PCDH7: variants seen among roughly 807,000 people sequenced by gnomAD.
PCDH7 encodes protocadherin 7.
A neutral mutation model predicts 58.9 loss-of-function variants in PCDH7; 17 were observed. The observed-to-expected ratio is 0.29, with a 90% confidence interval of 0.20 to 0.43. The LOEUF (loss-of-function observed/expected upper bound fraction) is 0.43, where lower values mean the gene tolerates loss of function less well. Ranked by LOEUF, PCDH7 falls within the 20% of genes least tolerant of loss-of-function variation. PCDH7 has a pLI of 1.00. For synonymous variants in PCDH7, 664 were observed against 616.4 expected (o/e 1.08, Z -1.14); for missense variants, 1,274 against 1,441.0 (o/e 0.88, Z 1.88).
chr4:30,839,102 A>G (rs1218614139), intron 1 of PCDH7, among the ~76,000 whole-genome samples: 1 of 151,786 alleles, frequency 6.6e-6, no homozygotes, highest in Non-Finnish European at 1.5e-5. Flanking sequence ...TACAGTATAT[A>G]TCTATGTTAT....
intron 1 of PCDH7, among the ~76,000 whole-genome samples, chr4:30,863,115 A>G (rs1487162213): frequency 3.3e-5 from 5 of 152,150 alleles, no homozygotes; most frequent in Non-Finnish European, 7.4e-5. Context: ...TTCCGGGATC[A>G]GAGTACCACT....
intron 3 of PCDH7, among the ~76,000 whole-genome samples, chr4:30,951,807 G>T (rs1747396804): frequency 1.3e-5 from 2 of 152,126 alleles, no homozygotes; most frequent in Non-Finnish European, 2.9e-5. Flanking sequence ...ACTCAAGTGG[G>T]ACATGCCTTA....
intron 3 of PCDH7, among the ~76,000 whole-genome samples, chr4:31,013,834 G>T (rs1433386439): frequency 6.6e-6 from 1 of 152,038 alleles, no homozygotes; most frequent in Non-Finnish European, 1.5e-5. Context: ...TTTAAAAAAT[G>T]TTCCTGTCAC....
intron 1 of PCDH7, among the ~76,000 whole-genome samples, chr4:30,891,305 G>A (rs1480852113): frequency 6.6e-6 from 1 of 152,102 alleles, no homozygotes; most frequent in Admixed American, 6.6e-5. Context: ...ATGAGAGTAA[G>A]AGCTTCATTA....
intron 3 of PCDH7, among the ~76,000 whole-genome samples, chr4:31,037,108 T>C (rs1755474941): frequency 6.6e-6 from 1 of 152,116 alleles, no homozygotes; most frequent in East Asian, 1.9e-4. Flanking sequence ...ATCAATACCT[T>C]ACTACCATCT....
chr4:31,059,310 A>G (rs1052290808), intron 3 of PCDH7, among the ~76,000 whole-genome samples: 7 of 151,916 alleles, frequency 4.6e-5, no homozygotes, highest in Non-Finnish European at 8.8e-5. Context: ...TTGTGTTCTT[A>G]AAATAATAGA....
intron 3 of PCDH7, among the ~76,000 whole-genome samples, chr4:31,002,597 T>G (rs562800386): frequency 6.6e-6 from 1 of 152,344 alleles, no homozygotes; most frequent in Non-Finnish European, 1.5e-5. Context: ...GAAAATGCAT[T>G]ACTCGAGCAA....
chr4:31,142,518 G>A (rs776783940), exon 4 of PCDH7: 5 of 1,367,598 alleles, frequency 3.7e-6, no homozygotes, highest in Admixed American at 3.8e-5. Context: ...AAGTGCACTC[G>A]TGAGTGTGAT....
intron 3 of PCDH7, among the ~76,000 whole-genome samples, chr4:31,120,989 T>G (rs1480311498): frequency 6.6e-6 from 1 of 152,194 alleles, no homozygotes; most frequent in Non-Finnish European, 1.5e-5. Flanking sequence ...CTTACATAGC[T>G]TTTTGTGTGC....
rs907563763 is a variant in PCDH7 at position 30,912,770 on chromosome 4, G to C, written c.71-7383G>C. Among the ~76,000 whole-genome samples, 15 of 152,146 alleles carry C rather than the reference G, an allele frequency of 9.9e-5. No homozygotes were observed. In the East Asian group the frequency reaches 2.9e-3, roughly 29 times the overall value. ...TGCCAATAAAATCCCCATAAAGGTA[G>C]TGTCACTAGGTTATAAAAAATGGAC... On this transcript the variant is annotated intron_variant, in intron 1 of 3. Transcript: ENST00000509759.
chr4:31,090,525 T>C lies in PCDH7; in HGVS notation c.*8-51948T>C, dbSNP rs112008304. Among the ~76,000 whole-genome samples, 823 of 152,164 alleles carry C rather than the reference T, an allele frequency of 5.4e-3. 4 individuals carry two copies. Among genetic ancestry groups the C allele is most frequent in the Non-Finnish European group, 8.7e-3 (592 of 67,962 alleles). On this transcript the variant is annotated intron_variant, in intron 3 of 3. Coordinates refer to the PCDH7 transcript ENST00000509759. ...AGGCCTTACTCATTCTTTCTAACCA[T>C]TGAAAAAGGAATTCTTTCCCCACAA...
chr4:31,098,156 G>A (rs7697966), intron 3 of PCDH7, among the ~76,000 whole-genome samples: 1 of 151,984 alleles, frequency 6.6e-6, no homozygotes, highest in East Asian at 1.9e-4. Context: ...CTTCCCCCAC[G>A]CAGGGATGTC....
chr4:30,920,121 C>T lies in PCDH7; in HGVS notation c.71-32C>T, dbSNP rs538909081. 6.0e-6 allele frequency: 8 copies of T among 1,343,060 alleles called. No homozygotes were observed. The East Asian group carries it at 3.7e-4, about 62-fold the overall frequency. 83.2% of individuals were successfully genotyped at this position (1,343,060 alleles called of 1,614,324 possible). On this transcript the variant is annotated intron_variant, in intron 1 of 3. Transcript: ENST00000509759. ...AATAAGATCATTTACAATCTTACAT[C>T]GTAGTGACATTCAGAATCTTTTCTT...
chr4:30,887,066 C>A (rs1737913648), intron 1 of PCDH7, among the ~76,000 whole-genome samples: 1 of 150,712 alleles, frequency 6.6e-6, no homozygotes, highest in African/African-American at 2.4e-5. Flanking sequence ...ACCAGCATGG[C>A]ACATGTATAC....
chr4:30,911,210 G>A (rs1006236626), intron 1 of PCDH7, among the ~76,000 whole-genome samples: 3 of 151,850 alleles, frequency 2.0e-5, no homozygotes, highest in Admixed American at 2.0e-4. Context: ...CCTAATGTAG[G>A]TGATGGGTTG....
At chr4:31,093,570 A>G (rs1390505995) in intron 3 of PCDH7, among the ~76,000 whole-genome samples, 1 of 147,204 alleles carries the variant, frequency 6.8e-6, no homozygotes, top group African/African-American at 2.6e-5. Flanking sequence ...ATAGAAATAA[A>G]GTGCAAGGTG....
In PCDH7 at chr4:30,723,874, G is replaced by C; in HGVS notation, c.2452G>C (p.Val818Leu). Residue 818 changes from valine (V) to leucine (L), a missense_variant, in exon 1 of 2, where the codon GTG becomes CTG. This residue lies in a region of PCDH7 where 731 missense variants were observed against 881.9 expected (regional missense o/e 0.83). Coordinates refer to ENST00000361762, the Ensembl canonical transcript of PCDH7. The surrounding 1 kb of genome is among the most constrained non-coding windows in gnomAD (Gnocchi z 4.6). Reference sequence around the variant, plus strand: ...AAAGCATTATGGCTTGCACAGGTTGGTGGTGCAAGTGAATGACAGTGGGCA... The same window carrying C: ...AAAGCATTATGGCTTGCACAGGTTGCTGGTGCAAGTGAATGACAGTGGGCA... 6.2e-7 allele frequency: 1 copy of C among 1,613,902 alleles called. No homozygotes were observed. The highest frequency in any genetic ancestry group is 8.5e-7 in the Non-Finnish European group (1 of 1,180,010).
At chr4:30,864,908 C>T (rs1461820442) in intron 1 of PCDH7, among the ~76,000 whole-genome samples, 3 of 152,010 alleles carry the variant, frequency 2.0e-5, no homozygotes, top group Non-Finnish European at 4.4e-5. Flanking sequence ...TCAAGAGCAA[C>T]ATCAATGACA....
chr4:30,922,200 A>G (rs1743269697), intron 2 of PCDH7, among the ~76,000 whole-genome samples: 1 of 151,688 alleles, frequency 6.6e-6, no homozygotes, highest in African/African-American at 2.4e-5. Flanking sequence ...ATGTAATTAC[A>G]GTATTTTTAA....
Sources: allele counts gnomAD v4.1 joint callset (sites outside exome capture counted in the v4.1 genomes callset), GRCh38; gene constraint gnomAD v4.1.1; regional missense constraint gnomAD v4.1.1; non-coding constraint Gnocchi (gnomAD v3.1); transcripts MANE v1.5; gene names NCBI Gene and HGNC (gene_info 2026-07-23, HGNC 2026-07-21).